Variants in PSD observed in about 807,000 individuals in gnomAD.
PSD encodes the protein PH and SEC7 domain-containing protein 1.
A neutral mutation model predicts 91.6 loss-of-function variants in PSD; 32 were observed. The ratio of observed to expected loss-of-function variants is 0.35; its 90% confidence interval spans 0.26 to 0.47. The LOEUF is 0.47. Among genes scored for constraint, PSD ranks in the 20% least tolerant of loss-of-function variants. The pLI, the probability that PSD is intolerant of heterozygous loss-of-function variation, is 1.00. For missense variants in PSD, 1,099 were observed against 1,373.9 expected (o/e 0.80, Z 3.16); for synonymous variants, 532 against 569.3 (o/e 0.93, Z 0.93).
At chr10:102,415,269 C>A in intron 3 of PSD, 40 bp from the exon 4 acceptor site, 4 of 1,547,710 alleles carry the variant, frequency 2.6e-6, no homozygotes, top group South Asian at 1.2e-5. Flanking sequence ...AGGTTATCCA[C>A]GTCAGCTCCC....
At position 102,402,872 on chromosome 10, in the gene PSD, T is replaced by C; in HGVS notation, c.*328A>G. ...GGGACTGATGGTGTCAGGGTGGGGG[T>C]GGTCTCAGCAGAAAGCAGAAACGGC... On this transcript the variant is annotated 3_prime_UTR_variant, in exon 17 of 17. Transcript: ENST00000020673. 3.6e-6 allele frequency: 1 copy of C among 275,806 alleles called. No homozygotes were observed. The allele number at this position is 275,806 out of a possible 1,614,324, so 17.1% of individuals were successfully genotyped here.
Position 102,411,102 on chromosome 10 carries a change from G to A in PSD, c.1957C>T (p.Leu653=). Residue 653 remains leucine, a synonymous_variant, in exon 9 of 17, where the codon CTG becomes TTG. Transcript: ENST00000020673. ...ALSSEDGAHT[L]TCALMLLNTD... is the part of the protein sequence containing the mutation. ...TTGAGCAGCATGAGCGCACAGGTCA[G>A]CGTGTGGGCGCCGTCTAGGGGAGAG... 6.2e-7 allele frequency: 1 copy of A among 1,609,734 alleles called. No homozygotes were observed. Among genetic ancestry groups the A allele is most frequent in the Non-Finnish European group, 8.5e-7 (1 of 1,176,646 alleles).
Position 102,414,281 on chromosome 10 carries a change from G to T in PSD, c.1125-84C>A. 1 of 1,269,144 alleles carries T rather than the reference G, an allele frequency of 7.9e-7. No individual in the cohort carries two copies. The allele number at this position is 1,269,144 out of a possible 1,614,324, so 78.6% of individuals were successfully genotyped here. On this transcript the variant is annotated intron_variant, in intron 4 of 16. Coordinates refer to ENST00000020673, the MANE Select transcript of PSD (RefSeq NM_002779.5). This position sits in a 1 kb window ranked among gnomAD's most constrained non-coding sequence, Gnocchi z 5.6. ...TTCACTGAACTCTCACACTGACTCT[G>T]CTAAGGGGATTATCATCCCCTTTTC...
At chr10:102,418,812 C>CGTTTG (rs2061517902), upstream of PSD, 1 of 448,028 alleles carries the variant, frequency 2.2e-6, no homozygotes, top group African/African-American at 2.0e-5. Context: ...CCTCTCAGTC[C>CGTTTG]CTCCCCCTAC....
Position 102,415,177 on chromosome 10 carries a change from C to A in PSD, c.810G>T (p.Arg270Ser), listed in dbSNP as rs1431692389. ...GCCCCACAGCCACCCCAGAGCCCTGCCTTGAGCCCACCCCAGGTGGAGATG... is the reference window on the plus strand; with the variant it reads ...GCCCCACAGCCACCCCAGAGCCCTGACTTGAGCCCACCCCAGGTGGAGATG... The part of the protein sequence containing the change: ...APPSPPGVGS[R>S]QGSGVAVGRA... The change falls in exon 4 of 17, where the codon AGG becomes AGT. Residue 270 changes from arginine to serine, a missense_variant. Arg to Ser is a moderately radical substitution (Grantham distance 110, BLOSUM62 -1). Around this residue, in one of 3 missense-constraint regions of PSD, gnomAD observed 631 missense variants for 728.8 expected, o/e 0.87. Coordinates refer to ENST00000020673, the MANE Select transcript of PSD (RefSeq NM_002779.5). 1 of 1,613,042 alleles carries A rather than the reference C, an allele frequency of 6.2e-7. No individual in the cohort carries two copies.
rs1179022924 is a variant in PSD at position 102,404,070 on chromosome 10, C to T, written c.2701-85G>A. ...TTTTTAAAAAGATACCCCTTCCAGC[C>T]GGGCGCGGTGGCTCACGCCTGTAAT... On this transcript the variant is annotated intron_variant, in intron 15 of 16. Transcript: ENST00000020673. The surrounding 1 kb of genome is among the most constrained non-coding windows in gnomAD (Gnocchi z 5.7). The T allele has an allele frequency of 3.1e-5, 44 of 1,410,112 alleles. No homozygotes were observed. Among genetic ancestry groups the T allele is most frequent in the South Asian group, 7.2e-5 (5 of 69,360 alleles). The allele number at this position is 1,410,112 out of a possible 1,614,324, so 87.3% of individuals were successfully genotyped here.
In PSD at chr10:102,403,234, C is replaced by T. The variant is rs150754401; in HGVS notation, c.3041G>A (p.Arg1014Gln). The T allele has an allele frequency of 5.8e-4, 929 of 1,590,646 alleles. 6 individuals carry two copies. In the African/African-American group the frequency reaches 9.7e-3, roughly 17 times the overall value. The change falls in exon 17 of 17, where the codon CGG (arginine) becomes CAG (glutamine). Residue 1014 changes from arginine to glutamine, a missense_variant. Coordinates refer to ENST00000020673, the MANE Select transcript of PSD (RefSeq NM_002779.5). This position sits in a 1 kb window ranked among gnomAD's most constrained non-coding sequence, Gnocchi z 6.7. ...PRAQRHSSEP[R>Q]PGAGSGRRKP ...CCGCCGCCCACTGCCTGCCCCTGGCCGAGGCTCTGAGCTGTGACGCTGAGC... is the reference window on the plus strand; with the variant it reads ...CCGCCGCCCACTGCCTGCCCCTGGCTGAGGCTCTGAGCTGTGACGCTGAGC...
At position 102,411,701 on chromosome 10, in the gene PSD, C is replaced by G. The variant is rs758169903; in HGVS notation, c.1942+6G>C. ...TAAGGACACCCCTGCTCTCGGAACT[C>G]CTCACCCTCTGAGGACAGGGCTTCA... On this transcript the variant is annotated splice_donor_region_variant and intron_variant, in intron 8 of 16. Transcript: ENST00000020673. 6.2e-7 allele frequency: 1 copy of G among 1,610,322 alleles called. No homozygotes were observed.
chr10:102,407,674 G>A (rs989778237), intron 10 of PSD, among the ~76,000 whole-genome samples: 7 of 151,992 alleles, frequency 4.6e-5, no homozygotes, highest in Non-Finnish European at 5.9e-5. Context: ...CCCCAACCAC[G>A]CGCTCTGGCC....
rs376274284 is a variant in PSD at position 102,405,471 on chromosome 10, C to T, written c.2201G>A (p.Arg734Gln). Residue 734 changes from arginine (R) to glutamine (Q), a missense_variant, in exon 12 of 17, where the codon CGG (arginine) becomes CAG (glutamine). Physicochemically the swap from Arg to Gln is conservative, Grantham distance 43. This residue lies in a region of PSD where 358 missense variants were observed against 426.5 expected (regional missense o/e 0.84). Transcript: ENST00000020673. This position sits in a 1 kb window ranked among gnomAD's most constrained non-coding sequence, Gnocchi z 5.4. ...GCCACTGCCACTGCCCCCGCTGATC[C>T]GCTTGATGACCTTGGGGTTGGGGTC... ...LADPNPKVIKRISGGSGSGSS... is the reference protein window; with the variant it reads ...LADPNPKVIKQISGGSGSGSS... The T allele has an allele frequency of 6.2e-6, 10 of 1,614,016 alleles. No homozygotes were observed. Among genetic ancestry groups the T allele is most frequent in the South Asian group, 2.2e-5 (2 of 91,076 alleles).
At position 102,416,710 on chromosome 10, in the gene PSD, C is replaced by A. The variant is rs201641202; in HGVS notation, c.329G>T (p.Ser110Ile). The A allele has an allele frequency of 3.1e-6, 5 of 1,601,494 alleles. No homozygotes were observed. The highest frequency in any genetic ancestry group is 4.3e-6 in the Non-Finnish European group (5 of 1,174,322). The change falls in exon 2 of 17, where the codon AGT (serine) becomes ATT (isoleucine). Residue 110 changes from serine to isoleucine, a missense_variant. Transcript: ENST00000020673. This position sits in a 1 kb window ranked among gnomAD's most constrained non-coding sequence, Gnocchi z 6.0. ...VVIFRFVEKA[S>I]VRPLNGLPAP... Reference sequence around the variant, plus strand: ...AGGTAGCCCATTCAGTGGCCTCACACTGGCCTTCTCCACAAAGCGGAAGAT... The same window carrying A: ...AGGTAGCCCATTCAGTGGCCTCACAATGGCCTTCTCCACAAAGCGGAAGAT...
intron 1 of PSD, among the ~76,000 whole-genome samples, chr10:102,418,269 C>T (rs183757997): frequency 6.6e-6 from 1 of 152,220 alleles, no homozygotes; most frequent in Admixed American, 6.5e-5. Flanking sequence ...GTTTTACACA[C>T]ACACCATCAT....
upstream of PSD, chr10:102,419,099 A>G: frequency 6.7e-6 from 2 of 296,868 alleles, no homozygotes; most frequent in Non-Finnish European, 1.4e-5. The surrounding 1 kb of genome is among the most constrained non-coding windows in gnomAD (Gnocchi z 4.8). Context: ...GTCCCGCTCC[A>G]GACCCCACGC....
In PSD at chr10:102,409,021, G is replaced by C. The variant is rs1255166559; in HGVS notation, c.2092-1755C>G. On this transcript the variant is annotated intron_variant, in intron 10 of 16. Coordinates refer to ENST00000020673, the MANE Select transcript of PSD (RefSeq NM_002779.5). The surrounding 1 kb of genome is among the most constrained non-coding windows in gnomAD (Gnocchi z 5.7). ...TCTCCGCGCCGCGGTGGGTGCGCCC[G>C]TAGCGCACGGAGCACAGCGAGCGCG... The C allele has an allele frequency of 2.0e-6, 2 of 986,792 alleles. No homozygotes were observed. The highest frequency in any genetic ancestry group is 3.5e-5 in the African/African-American group (2 of 57,272). The allele number at this position is 986,792 out of a possible 1,614,324, so 61.1% of individuals were successfully genotyped here.
At position 102,403,262 on chromosome 10, in the gene PSD, G is replaced by C. The variant is rs201643069; in HGVS notation, c.3013C>G (p.Arg1005Gly). 7 of 1,610,508 alleles carry C rather than the reference G, an allele frequency of 4.3e-6. 1 individual carries two copies. In the Middle Eastern group the frequency reaches 6.6e-4, roughly 153 times the overall value. ...GGCTCTGAGCTGTGACGCTGAGCCC[G>C]GGGCTGGCTGGAGGGTTTGGGCTGC... ...SLQPKPSSQPRAQRHSSEPRP... is the reference protein window; with the variant it reads ...SLQPKPSSQPGAQRHSSEPRP... The change falls in exon 17 of 17, where the codon CGG becomes GGG. Residue 1005 changes from arginine to glycine, a missense_variant. This residue lies in a region of PSD where 358 missense variants were observed against 426.5 expected (regional missense o/e 0.84). Coordinates refer to ENST00000020673, the MANE Select transcript of PSD (RefSeq NM_002779.5). This position sits in a 1 kb window ranked among gnomAD's most constrained non-coding sequence, Gnocchi z 6.7.
upstream of PSD, chr10:102,419,613 A>AGGGGGCGCGAGGACGTGCGAGGC (rs2061532475): frequency 6.4e-6 from 1 of 157,116 alleles, no homozygotes; most frequent in Non-Finnish European, 1.4e-5. The surrounding 1 kb of genome is among the most constrained non-coding windows in gnomAD (Gnocchi z 4.8). Context: ...TCGGGCAGTC[A>AGGGGGCGCGAGGACGTGCGAGGC]GGGGGCGCGA....
chr10:102,404,549 C>G lies in PSD; in HGVS notation c.2700+34G>C. 1 of 1,602,654 alleles carries G rather than the reference C, an allele frequency of 6.2e-7. No homozygotes were observed. Among genetic ancestry groups the G allele is most frequent in the Non-Finnish European group, 8.5e-7 (1 of 1,174,810 alleles). ...TGGGCCTGAGCCTAACACCCTCCATCCCACTGGCACTAGGTGGACAGAGCT... is the reference window on the plus strand; with the variant it reads ...TGGGCCTGAGCCTAACACCCTCCATGCCACTGGCACTAGGTGGACAGAGCT... On this transcript the variant is annotated intron_variant, in intron 15 of 16. Coordinates refer to ENST00000020673, the MANE Select transcript of PSD (RefSeq NM_002779.5). This position sits in a 1 kb window ranked among gnomAD's most constrained non-coding sequence, Gnocchi z 5.7.
intron 3 of PSD, 69 bp downstream of exon 3, chr10:102,415,945 GCTC>G: frequency 8.6e-7 from 1 of 1,165,262 alleles, no homozygotes; most frequent in Non-Finnish European, 1.2e-6. Flanking sequence ...TTGAAGGAGG[GCTC>G]CCTACTGAGC....
intron 1 of PSD, among the ~76,000 whole-genome samples, chr10:102,418,190 C>T (rs899752680): frequency 2.6e-5 from 4 of 151,850 alleles, no homozygotes; most frequent in African/African-American, 9.7e-5. Context: ...ACACACACTG[C>T]TCAAAGACAC....
Sources: allele counts gnomAD v4.1 joint callset (sites outside exome capture counted in the v4.1 genomes callset), GRCh38; gene constraint gnomAD v4.1.1; regional missense constraint gnomAD v4.1.1; non-coding constraint Gnocchi (gnomAD v3.1); transcripts MANE v1.5; gene names NCBI Gene and HGNC (gene_info 2026-07-23, HGNC 2026-07-21).